The following KCNG3 variants were observed in gnomAD, a reference collection of about 807,000 sequenced individuals.
KCNG3 encodes potassium voltage-gated channel modifier subfamily G member 3, also known as voltage-gated potassium channel regulatory subunit KCNG3.
Under a neutral mutation model 29.0 loss-of-function variants are expected in KCNG3, and 15 were observed. The ratio of observed to expected loss-of-function variants is 0.52; its 90% CI spans 0.35 to 0.80. The LOEUF (loss-of-function observed/expected upper bound fraction) is 0.80. Among genes scored for constraint, KCNG3 ranks in the 30% least tolerant of loss-of-function variants. The probability of loss-of-function intolerance (pLI) is 0.01; values close to 1 mark genes in which losing one functional copy is unlikely to be tolerated. For synonymous variants in KCNG3, 322 were observed against 248.9 expected (o/e 1.29, Z -2.76); for missense variants, 512 against 605.7 (o/e 0.85, Z 1.62).
At chr2:42,436,163 T>C in the KCNG3 span, among the ~76,000 whole-genome samples, 2 of 152,122 alleles carry the variant, frequency 1.3e-5, no homozygotes, top group Admixed American at 6.5e-5. Flanking sequence ...TATGATTCCA[T>C]TTATATGAAA....
chr2:42,429,258 T>TAC, the KCNG3 span, among the ~76,000 whole-genome samples: 1 of 152,176 alleles, frequency 6.6e-6, no homozygotes, highest in Non-Finnish European at 1.5e-5. Context: ...AGAGGAACTT[T>TAC]AAGTGTAGAT....
chr2:42,491,610 T>C (rs1027265504), intron 1 of KCNG3, among the ~76,000 whole-genome samples: 1 of 152,212 alleles, frequency 6.6e-6, no homozygotes, highest in African/African-American at 2.4e-5. Flanking sequence ...TAGAACCTAA[T>C]TCACTAAACA....
At chr2:42,475,973 G>A (rs1673414346) in intron 1 of KCNG3, among the ~76,000 whole-genome samples, 1 of 152,158 alleles carries the variant, frequency 6.6e-6, no homozygotes, top group South Asian at 2.1e-4. Flanking sequence ...GGCTGAGGCA[G>A]GAGAATCACT....
the KCNG3 span, among the ~76,000 whole-genome samples, chr2:42,419,219 C>CTTTTTTTTTTTTT: frequency 4.2e-3 from 116 of 27,738 alleles, 38 homozygotes; most frequent in Non-Finnish European, 5.5e-3. Flanking sequence ...GATGGTATCT[C>CTTTTTTTTTTTTT]TTTTTTTTTT....
chr2:42,468,933 G>C (rs866578664), intron 1 of KCNG3, among the ~76,000 whole-genome samples: 1 of 121,886 alleles, frequency 8.2e-6, no homozygotes, highest in Non-Finnish European at 1.6e-5. Context: ...CAGCCTGGGC[G>C]ACACAGCAAG....
At chr2:42,403,511 ACT>A in the KCNG3 span, among the ~76,000 whole-genome samples, 1 of 118,176 alleles carries the variant, frequency 8.5e-6, no homozygotes, top group African/African-American at 3.4e-5. Context: ...ACAGAGTCTC[ACT>A]CTGTCACCCA....
chr2:42,402,039 T>A, the KCNG3 span, among the ~76,000 whole-genome samples: 8 of 152,202 alleles, frequency 5.3e-5, no homozygotes, highest in Non-Finnish European at 1.2e-4. Flanking sequence ...ATGGAGGTAT[T>A]CGTATCTGAA....
chr2:42,445,920 T>G (rs1267654269), intron 1 of KCNG3, among the ~76,000 whole-genome samples: 1 of 151,552 alleles, frequency 6.6e-6, no homozygotes, highest in Non-Finnish European at 1.5e-5. Flanking sequence ...AGAGATGGAG[T>G]TTCACCATTT....
intron 1 of KCNG3, among the ~76,000 whole-genome samples, chr2:42,478,422 G>C (rs925341579): frequency 1.3e-5 from 2 of 151,736 alleles, no homozygotes; most frequent in African/African-American, 4.8e-5. Flanking sequence ...GTAGAGAAGA[G>C]GTCTCATGAT....
At chr2:42,456,488 C>T (rs1358536319) in intron 1 of KCNG3, among the ~76,000 whole-genome samples, 1 of 152,086 alleles carries the variant, frequency 6.6e-6, no homozygotes, top group African/African-American at 2.4e-5. Context: ...TATATTCCAG[C>T]CTAAGCAAGA....
intron 1 of KCNG3, among the ~76,000 whole-genome samples, chr2:42,453,345 C>T (rs1191695487): frequency 6.6e-6 from 1 of 152,204 alleles, no homozygotes; most frequent in African/African-American, 2.4e-5. Context: ...CTTTTCTCCA[C>T]ATCCTCGCCA....
At chr2:42,433,151 A>G in the KCNG3 span, among the ~76,000 whole-genome samples, 2 of 152,324 alleles carry the variant, frequency 1.3e-5, no homozygotes, top group Non-Finnish European at 2.9e-5. Flanking sequence ...GGGCAATTAG[A>G]TAAGAGAAAG....
chr2:42,444,315 C>A lies in KCNG3; in HGVS notation c.930G>T (p.Gln310His). The change falls in exon 2 of 2, where the codon CAG becomes CAT. Residue 310 changes from glutamine to histidine, a missense_variant. Physicochemically the swap from Gln to His is conservative, Grantham distance 24. Around this residue, in one of 5 missense-constraint regions of KCNG3, gnomAD observed 173 missense variants for 262.4 expected, o/e 0.66. Transcript: ENST00000306078. The surrounding 1 kb of genome is among the most constrained non-coding windows in gnomAD (Gnocchi z 5.8). Reference protein sequence around the residue: ...IKLARHFIGLQTLGLTLKRCY... With the variant: ...IKLARHFIGLHTLGLTLKRCY... Reference sequence around the variant, plus strand: ...AACGTTTGAGAGTCAAACCGAGTGTCTGAAGACCAATGAAGTGACGGGCAA... The same window carrying A: ...AACGTTTGAGAGTCAAACCGAGTGTATGAAGACCAATGAAGTGACGGGCAA... 1 of 1,614,206 alleles carries A rather than the reference C, an allele frequency of 6.2e-7. No individual in the cohort carries two copies. Among genetic ancestry groups the A allele is most frequent in the Non-Finnish European group, 8.5e-7 (1 of 1,180,030 alleles).
At chr2:42,470,980 T>C (rs770855241) in intron 1 of KCNG3, among the ~76,000 whole-genome samples, 2 of 152,102 alleles carry the variant, frequency 1.3e-5, no homozygotes, top group Admixed American at 6.6e-5. Flanking sequence ...AGTGAGATCC[T>C]AACTCTACAA....
chr2:42,465,186 A>T (rs1454105511), intron 1 of KCNG3, among the ~76,000 whole-genome samples: 3 of 151,596 alleles, frequency 2.0e-5, no homozygotes, highest in Non-Finnish European at 4.4e-5. Flanking sequence ...TTAAGATTTT[A>T]TTTTTTTAAG....
At chr2:42,431,454 T>A in the KCNG3 span, among the ~76,000 whole-genome samples, 2 of 152,206 alleles carry the variant, frequency 1.3e-5, no homozygotes, top group African/African-American at 4.8e-5. Context: ...ACAAGATTTA[T>A]TTAAAATGTA....
the KCNG3 span, among the ~76,000 whole-genome samples, chr2:42,427,147 A>G: frequency 6.6e-6 from 1 of 152,218 alleles, no homozygotes; most frequent in Non-Finnish European, 1.5e-5. Context: ...TACCTTTGAT[A>G]TAAGGCTACT....
chr2:42,398,401 G>A, the KCNG3 span, among the ~76,000 whole-genome samples: 3 of 152,060 alleles, frequency 2.0e-5, no homozygotes, highest in Admixed American at 2.0e-4. Context: ...CTCTTCCTCT[G>A]GCCAGAGGTA....
At chr2:42,440,641 A>C (rs1441715684), downstream of KCNG3, among the ~76,000 whole-genome samples, 1 of 152,224 alleles carries the variant, frequency 6.6e-6, no homozygotes, top group Non-Finnish European at 1.5e-5. Flanking sequence ...ATTTTGACTT[A>C]TTGACAGCCA....
Sources: gnomAD v4.1 joint callset for allele counts (sites outside exome capture counted in the v4.1 genomes callset) on GRCh38, gnomAD v4.1.1 for gene constraint, gnomAD v4.1.1 regional missense constraint, Gnocchi (gnomAD v3.1) non-coding constraint, MANE v1.5 for transcripts, NCBI Gene and HGNC (gene_info 2026-07-23, HGNC 2026-07-21) for gene names.